Variants in CEP170 observed in about 807,000 individuals in gnomAD.
CEP170 encodes centrosomal protein 170, also known as centrosomal protein of 170 kDa.
In CEP170, 21 loss-of-function variants were observed where a neutral mutation model predicts 151.9. The ratio of observed to expected loss-of-function variants is 0.14; its 90% CI spans 0.10 to 0.20. The LOEUF is 0.20. Among genes scored for constraint, CEP170 ranks in the 10% least tolerant of loss-of-function variants. The pLI is 1.00. For synonymous variants in CEP170, 356 were observed against 648.8 expected (o/e 0.55, Z 6.86); for missense variants, 964 against 1,892.9 (o/e 0.51, Z 9.11).
At chr1:243,233,639 A>G (rs1463608057) in intron 1 of CEP170, among the ~76,000 whole-genome samples, 1 of 151,038 alleles carries the variant, frequency 6.6e-6, no homozygotes, top group Non-Finnish European at 1.5e-5. Flanking sequence ...AGGCTGAGGC[A>G]GGAGAATGGT....
At chr1:243,153,622 T>G (rs2057310442) in intron 14 of CEP170, among the ~76,000 whole-genome samples, 1 of 152,244 alleles carries the variant, frequency 6.6e-6, no homozygotes, top group African/African-American at 2.4e-5. Flanking sequence ...TGATCACTAC[T>G]GTTTTTTACT....
intron 3 of CEP170, 158 bp downstream of exon 3, chr1:243,221,566 A>G: frequency 1.5e-6 from 1 of 665,034 alleles, no homozygotes; most frequent in Non-Finnish European, 2.5e-6. Context: ...TTCATATTCT[A>G]TTGGATGGTC....
intron 6 of CEP170, among the ~76,000 whole-genome samples, chr1:243,199,626 T>TAAA (rs1041703095): frequency 3.3e-5 from 5 of 152,142 alleles, no homozygotes; most frequent in African/African-American, 1.2e-4. Flanking sequence ...AGACTAAATG[T>TAAA]AAAAGACAAA....
intron 14 of CEP170, among the ~76,000 whole-genome samples, chr1:243,147,278 T>C (rs561592770): frequency 3.6e-4 from 55 of 152,376 alleles, no homozygotes; most frequent in African/African-American, 1.3e-3. Context: ...TTATTCAAGA[T>C]TATTTTTCTC....
At chr1:243,215,964 C>T (rs958174283) in intron 3 of CEP170, among the ~76,000 whole-genome samples, 1 of 151,692 alleles carries the variant, frequency 6.6e-6, no homozygotes, top group African/African-American at 2.4e-5. Context: ...ACAAAAGAAC[C>T]TATGTGAAAT....
At chr1:243,255,549 G>A (rs2066559049), upstream of CEP170, among the ~76,000 whole-genome samples, 1 of 152,260 alleles carries the variant, frequency 6.6e-6, no homozygotes, top group Non-Finnish European at 1.5e-5. Context: ...GGCATGCTAG[G>A]AGTTGTAGTG....
chr1:243,152,467 C>G (rs1010503040), intron 14 of CEP170, among the ~76,000 whole-genome samples: 6 of 148,694 alleles, frequency 4.0e-5, no homozygotes, highest in African/African-American at 1.5e-4. Context: ...GTGATCCACC[C>G]GCCTCAACCT....
intron 1 of CEP170, among the ~76,000 whole-genome samples, chr1:243,228,608 A>C (rs1366213946): frequency 1.3e-5 from 2 of 152,236 alleles, no homozygotes; most frequent in South Asian, 2.1e-4. Flanking sequence ...CAACAGTTAC[A>C]CGTTTACTCA....
intron 13 of CEP170, among the ~76,000 whole-genome samples, chr1:243,164,038 T>C (rs1215080294): frequency 1.3e-5 from 2 of 152,186 alleles, no homozygotes; most frequent in East Asian, 1.9e-4. Context: ...GAATTCCTAG[T>C]TTTGAAATCA....
intron 1 of CEP170, among the ~76,000 whole-genome samples, chr1:243,234,039 G>C (rs2064030946): frequency 6.6e-6 from 1 of 152,136 alleles, no homozygotes; most frequent in African/African-American, 2.4e-5. Flanking sequence ...TAAAACACAT[G>C]TTAAGGGCAG....
intron 8 of CEP170, among the ~76,000 whole-genome samples, chr1:243,187,829 C>G (rs1044452195): frequency 6.6e-6 from 1 of 151,994 alleles, no homozygotes; most frequent in Admixed American, 6.6e-5. Context: ...GCGGAATGCA[C>G]AGAAAAGGGT....
At chr1:243,178,772 G>A (rs536163530) in intron 10 of CEP170, among the ~76,000 whole-genome samples, 1 of 151,258 alleles carries the variant, frequency 6.6e-6, no homozygotes, top group East Asian at 1.9e-4. Flanking sequence ...AGGCTGGAGT[G>A]CAGTGGCACA....
rs36023097 is a variant in CEP170, at chr1:243,244,357, T to TCACA, written c.-42+10679_-42+10682dup. Among the ~76,000 whole-genome samples, 1,045 of 150,236 alleles carry TCACA rather than the reference T, an allele frequency of 7.0e-3. 10 individuals carry two copies. The highest frequency in any genetic ancestry group is 0.022 in the African/African-American group (904 of 40,862). ...TGCCCAAAATAGAGAGCTCCTTGTATCACACACACACACACACACACACCC... is the reference window on the plus strand; with the variant it reads ...TGCCCAAAATAGAGAGCTCCTTGTATCACACACACACACACACACACACACACCC... On this transcript the variant is annotated intron_variant, in intron 1 of 19. Transcript: ENST00000366542.
chr1:243,145,224 T>C (rs2056324455), intron 14 of CEP170, among the ~76,000 whole-genome samples: 1 of 152,228 alleles, frequency 6.6e-6, no homozygotes, highest in Admixed American at 6.5e-5. Flanking sequence ...TCAGACTTCA[T>C]TGATTTAAAC....
chr1:243,248,220 T>A (rs2065604932), intron 1 of CEP170, among the ~76,000 whole-genome samples: 1 of 152,246 alleles, frequency 6.6e-6, no homozygotes, highest in Non-Finnish European at 1.5e-5. Context: ...TATGAAGTAT[T>A]TAGGTGATTA....
intron 9 of CEP170, 74 bp from the exon 10 acceptor site, chr1:243,186,146 G>A (rs2059923686): frequency 1.9e-6 from 3 of 1,613,032 alleles, no homozygotes; most frequent in Non-Finnish European, 2.5e-6. Flanking sequence ...ATGTGGTGTT[G>A]AATATGTAGT....
At chr1:243,135,773 T>C (rs2054991348) in intron 17 of CEP170, 1 of 156,720 alleles carries the variant, frequency 6.4e-6, no homozygotes, top group African/African-American at 2.4e-5. Flanking sequence ...TTCTTGGTAC[T>C]CATCAAATGC....
At chr1:243,158,683 T>G (rs1316872969) in intron 13 of CEP170, among the ~76,000 whole-genome samples, 2 of 152,164 alleles carry the variant, frequency 1.3e-5, no homozygotes, top group East Asian at 3.8e-4. Flanking sequence ...CGAGAAAAAC[T>G]TCCTTTTCAC....
chr1:243,192,414 TGACAACTAAAACGTTTTCGGTAC>T (rs1240754795), intron 7 of CEP170, among the ~76,000 whole-genome samples: 1 of 152,094 alleles, frequency 6.6e-6, no homozygotes, highest in African/African-American at 2.4e-5. Context: ...TAAATAAAAA[TGACAACTAAAACGTTTTCGGTAC>T]GCAAATGCAA....
Sources: gnomAD v4.1 joint callset for allele counts (sites outside exome capture counted in the v4.1 genomes callset) on GRCh38, gnomAD v4.1.1 for gene constraint, MANE v1.5 for transcripts, NCBI Gene and HGNC (gene_info 2026-07-23, HGNC 2026-07-21) for gene names.